The following ZNF536 variants were observed in gnomAD, a reference collection of about 807,000 sequenced individuals.
ZNF536 encodes zinc finger protein 536.
A neutral mutation model predicts 84.5 loss-of-function variants in ZNF536; 13 were observed. That is an observed-to-expected ratio of 0.15 (90% CI 0.10 to 0.24). The LOEUF is 0.24. ZNF536 is among the 10% of genes least tolerant of loss of function. The pLI, the probability that ZNF536 is intolerant of heterozygous loss-of-function variation, is 1.00. For missense variants in ZNF536, 1,536 were observed against 1,747.5 expected (o/e 0.88, Z 2.16); for synonymous variants, 811 against 742.5 (o/e 1.09, Z -1.50).
intron 1 of ZNF536, among the ~76,000 whole-genome samples, chr19:30,601,328 C>T (rs987533447): frequency 6.6e-6 from 1 of 152,170 alleles, no homozygotes; most frequent in Non-Finnish European, 1.5e-5. Flanking sequence ...AACCACGGCT[C>T]TCTGGGAGCC....
intron 1 of ZNF536, among the ~76,000 whole-genome samples, chr19:30,696,629 A>G (rs556678468): frequency 1.3e-5 from 2 of 152,318 alleles, no homozygotes; most frequent in Admixed American, 1.3e-4. Flanking sequence ...GGGTAAGCAA[A>G]TAAACAGGAT....
intron 1 of ZNF536, among the ~76,000 whole-genome samples, chr19:30,593,930 A>C (rs1434058104): frequency 1.3e-5 from 2 of 152,228 alleles, no homozygotes; most frequent in Non-Finnish European, 2.9e-5. Context: ...AGAGGAAAAA[A>C]GAGTCTAGAC....
intron 2 of ZNF536, among the ~76,000 whole-genome samples, chr19:30,507,761 G>T (rs1250861510): frequency 1.3e-5 from 2 of 152,162 alleles, no homozygotes; most frequent in Non-Finnish European, 2.9e-5. Flanking sequence ...CCAAATATAA[G>T]TATCTAAAGC....
intron 3 of ZNF536, among the ~76,000 whole-genome samples, chr19:30,543,201 A>G (rs775826585): frequency 1.3e-5 from 2 of 152,210 alleles, no homozygotes; most frequent in Non-Finnish European, 2.9e-5. Flanking sequence ...GCTGTTTTGC[A>G]TACTCATCTG....
chr19:30,448,298 C>T (rs1192098360), intron 2 of ZNF536, among the ~76,000 whole-genome samples: 1 of 152,206 alleles, frequency 6.6e-6, no homozygotes, highest in East Asian at 1.9e-4. Flanking sequence ...ATTTAGGACT[C>T]TTAACCAAAT....
intron 2 of ZNF536, among the ~76,000 whole-genome samples, chr19:30,532,912 A>T (rs3786794): frequency 0.13 from 19,635 of 152,182 alleles, 1,572 homozygotes; most frequent in East Asian, 0.31. Context: ...TCAATAAGCC[A>T]TCTTTGGGGG....
At chr19:30,657,099 T>A (rs114368755) in intron 1 of ZNF536, among the ~76,000 whole-genome samples, 194 of 152,190 alleles carry the variant, frequency 1.3e-3, no homozygotes, top group African/African-American at 4.5e-3. Flanking sequence ...ACACTCAAAC[T>A]ATGTCCCTGC....
rs745421534 is a variant in ZNF536, at chr19:30,443,792, T to C, written c.230T>C (p.Met77Thr). The change falls in exon 2 of 5, where the codon ATG (methionine) becomes ACG (threonine). Residue 77 changes from methionine to threonine, a missense_variant. This residue lies in a region of ZNF536 where 161 missense variants were observed against 178.5 expected (regional missense o/e 0.90). Coordinates refer to ENST00000355537, the MANE Select transcript of ZNF536 (RefSeq NM_014717.3). Reference protein sequence around the residue: ...KAHVPMSGQPMGSQMALLANQ... With the variant: ...KAHVPMSGQPTGSQMALLANQ... ...CACGTGCCCATGAGCGGCCAGCCCATGGGCAGTCAGATGGCGCTCCTGGCC... is the reference window on the plus strand; with the variant it reads ...CACGTGCCCATGAGCGGCCAGCCCACGGGCAGTCAGATGGCGCTCCTGGCC... 9 of 1,613,184 alleles carry C rather than the reference T, an allele frequency of 5.6e-6. No homozygotes were observed. Among genetic ancestry groups the C allele is most frequent in the Non-Finnish European group, 7.6e-6 (9 of 1,179,792 alleles).
At chr19:30,697,058 C>A (rs1401902705) in intron 1 of ZNF536, among the ~76,000 whole-genome samples, 1 of 152,126 alleles carries the variant, frequency 6.6e-6, no homozygotes, top group Non-Finnish European at 1.5e-5. Context: ...TTCTGCATGG[C>A]TGAGGAGGCC....
intron 3 of ZNF536, among the ~76,000 whole-genome samples, chr19:30,358,730 A>C (rs986485831): frequency 2.0e-5 from 3 of 152,176 alleles, no homozygotes; most frequent in Non-Finnish European, 4.4e-5. Flanking sequence ...GCTGGCCCTG[A>C]GTTTCTGGTA....
chr19:30,707,421 C>A (rs1337878960), intron 1 of ZNF536, among the ~76,000 whole-genome samples: 1 of 152,070 alleles, frequency 6.6e-6, no homozygotes, highest in African/African-American at 2.4e-5. Context: ...CCTAGGTGAC[C>A]AAGCCCTTAA....
intron 1 of ZNF536, among the ~76,000 whole-genome samples, chr19:30,708,981 C>G (rs2052354895): frequency 6.6e-6 from 1 of 152,158 alleles, no homozygotes; most frequent in South Asian, 2.1e-4. Flanking sequence ...GGGCCCTGAC[C>G]TCTCTGAGTG....
At chr19:30,596,088 G>A (rs759020921) in intron 1 of ZNF536, among the ~76,000 whole-genome samples, 17 of 152,200 alleles carry the variant, frequency 1.1e-4, no homozygotes, top group Non-Finnish European at 2.2e-4. Flanking sequence ...AGCAAAGATC[G>A]TCTGCGGGAC....
chr19:30,582,643 A>T (rs1283741039), intron 1 of ZNF536, among the ~76,000 whole-genome samples: 1 of 152,076 alleles, frequency 6.6e-6, no homozygotes, highest in Non-Finnish European at 1.5e-5. Context: ...ATTTATAAAG[A>T]AAAAGAGGTT....
At chr19:30,568,934 G>T (rs959373749) in intron 1 of ZNF536, among the ~76,000 whole-genome samples, 2 of 152,184 alleles carry the variant, frequency 1.3e-5, no homozygotes, top group African/African-American at 2.4e-5. Flanking sequence ...CTGAAAATAA[G>T]TTGGGCCCTC....
intron 1 of ZNF536, among the ~76,000 whole-genome samples, chr19:30,692,406 G>C (rs2051449837): frequency 1.3e-5 from 2 of 152,332 alleles, no homozygotes; most frequent in South Asian, 4.1e-4. Flanking sequence ...CTCACAGATG[G>C]TCGCTCTGGC....
At chr19:30,360,964 G>T (rs1441722385) in intron 3 of ZNF536, among the ~76,000 whole-genome samples, 1 of 152,208 alleles carries the variant, frequency 6.6e-6, no homozygotes, top group Non-Finnish European at 1.5e-5. Flanking sequence ...TGGGTAGCCT[G>T]CTCACAGCCC....
At chr19:30,382,429 A>C (rs938505544) in intron 1 of ZNF536, among the ~76,000 whole-genome samples, 7 of 152,248 alleles carry the variant, frequency 4.6e-5, no homozygotes, top group Non-Finnish European at 1.0e-4. Flanking sequence ...CATTTAAATT[A>C]GAACTTTCAA....
intron 1 of ZNF536, among the ~76,000 whole-genome samples, chr19:30,424,242 AG>A (rs962814993): frequency 6.6e-6 from 1 of 152,152 alleles, no homozygotes; most frequent in East Asian, 1.9e-4. Flanking sequence ...AGTGGGCTGC[AG>A]GGGGGTCTGG....
Sources: allele counts gnomAD v4.1 joint callset (sites outside exome capture counted in the v4.1 genomes callset), GRCh38; gene constraint gnomAD v4.1.1; regional missense constraint gnomAD v4.1.1; transcripts MANE v1.5; gene names NCBI Gene and HGNC (gene_info 2026-07-23, HGNC 2026-07-21).